Variants in INTS13 observed in about 807,000 individuals in gnomAD.
INTS13 encodes asunder, spermatogenesis regulator homolog (Drosphila).
A neutral mutation model predicts 90.2 loss-of-function variants in INTS13; 35 were observed. That is an observed-to-expected ratio of 0.39 (90% CI 0.30 to 0.51). The LOEUF (loss-of-function observed/expected upper bound fraction) is 0.51, where lower values mean the gene tolerates loss of function less well. Ranked by LOEUF, INTS13 falls within the 20% of genes least tolerant of loss-of-function variation. The pLI, the probability that INTS13 is intolerant of heterozygous loss-of-function variation, is 0.80. For missense variants in INTS13, 601 were observed against 851.2 expected (o/e 0.71, Z 3.66); for synonymous variants, 309 against 277.1 (o/e 1.11, Z -1.14).
chr12:26,928,095 T>C, intron 5 of INTS13, 110 bp downstream of exon 5: 1 of 685,770 alleles, frequency 1.5e-6, no homozygotes, highest in Non-Finnish European at 2.3e-6. Flanking sequence ...GACTAATTTG[T>C]TGAGTCAATA....
chr12:26,911,699 T>C (rs960503675), intron 14 of INTS13, among the ~76,000 whole-genome samples: 2 of 152,242 alleles, frequency 1.3e-5, no homozygotes, highest in Non-Finnish European at 2.9e-5. Context: ...AATAAGTTTA[T>C]TCCCATTTAT....
chr12:26,924,320 G>C (rs1429971156), intron 7 of INTS13, 35 bp downstream of exon 7: 4 of 1,606,430 alleles, frequency 2.5e-6, no homozygotes, highest in Non-Finnish European at 2.6e-6. Context: ...AAGCAAAGCA[G>C]TGCTTTCAAA....
rs920259102 is a variant in INTS13, at chr12:26,911,268, T to A, written c.1855A>T (p.Ile619Phe). Residue 619 changes from isoleucine to phenylalanine, a missense_variant, in exon 15 of 17, where the codon ATT (isoleucine) becomes TTT (phenylalanine). Ile to Phe is a conservative substitution (Grantham distance 21, BLOSUM62 0). Around this residue, in one of 3 missense-constraint regions of INTS13, gnomAD observed 228 missense variants for 272.5 expected, o/e 0.84. Coordinates refer to ENST00000261191, the MANE Select transcript of INTS13 (RefSeq NM_018164.3). ...RGKEELAEAE[I>F]IKDSPDSPEP... ...GGGGAATCAGGCGAATCTTTTATAA[T>A]CTCAGCTTCAGCCAATTCTTCTTTT... The A allele has an allele frequency of 1.2e-6, 2 of 1,613,760 alleles. No individual in the cohort carries two copies. Among genetic ancestry groups the A allele is most frequent in the African/African-American group, 1.3e-5 (1 of 74,926 alleles).
At position 26,936,633 on chromosome 12, in the gene INTS13, T is replaced by G. The variant is rs1220322663; in HGVS notation, c.171A>C (p.Glu57Asp). The G allele has an allele frequency of 1.9e-6, 3 of 1,613,482 alleles. No individual in the cohort carries two copies. Among genetic ancestry groups the G allele is most frequent in the South Asian group, 1.1e-5 (1 of 91,054 alleles). ...TTATTCTACAATATTCCATGGAAGA[T>G]TCTACTGAGCAAGTCCACAATGATT... ...ISKSLWTCSV[E>D]SSMEYCRIMY... is the part of the protein sequence containing the mutation. Residue 57 changes from glutamate to aspartate, a missense_variant, in exon 2 of 17, where the codon GAA becomes GAC. By Grantham distance (45) the Glu-to-Asp change is conservative. Transcript: ENST00000261191.
chr12:26,926,089 A>G (rs945555530), intron 5 of INTS13, among the ~76,000 whole-genome samples: 1 of 152,222 alleles, frequency 6.6e-6, no homozygotes, highest in African/African-American at 2.4e-5. Context: ...GAGTGTCTGA[A>G]GGATAAAGAG....
At chr12:26,931,381 T>C (rs1189915695) in intron 3 of INTS13, among the ~76,000 whole-genome samples, 2 of 151,918 alleles carry the variant, frequency 1.3e-5, no homozygotes, top group African/African-American at 4.8e-5. Context: ...GAGGCAGAGG[T>C]TGCAGTGAGC....
Position 26,915,995 on chromosome 12 carries a change from G to A in INTS13, c.1248+7C>T. 1 of 1,602,554 alleles carries A rather than the reference G, an allele frequency of 6.2e-7. No homozygotes were observed. Among genetic ancestry groups the A allele is most frequent in the East Asian group, 2.2e-5 (1 of 44,784 alleles). On this transcript the variant is annotated splice_region_variant and intron_variant, in intron 11 of 16. Coordinates refer to ENST00000261191, the MANE Select transcript of INTS13 (RefSeq NM_018164.3). ...AAACTTAAAATTTATAGATATTAGA[G>A]TCTTACTGTAATCCGGTAGTCTGTA...
intron 14 of INTS13, among the ~76,000 whole-genome samples, chr12:26,912,734 T>C (rs1042033824): frequency 6.7e-6 from 1 of 148,926 alleles, no homozygotes. Context: ...GCAATCACTT[T>C]TTTTTTTTTT....
chr12:26,912,762 CTA>C (rs746335955), intron 14 of INTS13, among the ~76,000 whole-genome samples: 6 of 149,770 alleles, frequency 4.0e-5, no homozygotes, highest in Admixed American at 6.6e-5. Context: ...AAGTCTTACT[CTA>C]TTGCCCAGGC....
chr12:26,933,380 G>C (rs1375204488), intron 3 of INTS13, among the ~76,000 whole-genome samples: 2 of 152,056 alleles, frequency 1.3e-5, no homozygotes, highest in African/African-American at 4.8e-5. Context: ...CCAACACCAA[G>C]GCACACCACT....
chr12:26,937,343 C>G (rs951026041), intron 1 of INTS13, among the ~76,000 whole-genome samples: 1 of 152,114 alleles, frequency 6.6e-6, no homozygotes, highest in African/African-American at 2.4e-5. Context: ...TAAACATCTC[C>G]TAAGATAACC....
chr12:26,912,307 C>T (rs1951801197), intron 14 of INTS13, among the ~76,000 whole-genome samples: 1 of 152,054 alleles, frequency 6.6e-6, no homozygotes, highest in African/African-American at 2.4e-5. Flanking sequence ...CATGGTGGCA[C>T]ATACCTATAA....
intron 8 of INTS13, among the ~76,000 whole-genome samples, chr12:26,921,731 C>CTGCAACCT (rs1952123554): frequency 2.0e-5 from 3 of 152,242 alleles, no homozygotes; most frequent in Admixed American, 2.0e-4. Flanking sequence ...TCTCAGCTCA[C>CTGCAACCT]TGCAACCTCC....
chr12:26,913,571 G>A lies in INTS13; in HGVS notation c.1691C>T (p.Pro564Leu). The change falls in exon 14 of 17, where the codon CCC becomes CTC. Residue 564 changes from proline to leucine, a missense_variant. By Grantham distance (98) the Pro-to-Leu change is moderately conservative. Coordinates refer to ENST00000261191, the MANE Select transcript of INTS13 (RefSeq NM_018164.3). ...LECLMACRSKPPEEEERKKRG... is the reference protein window; with the variant it reads ...LECLMACRSKLPEEEERKKRG... Reference sequence around the variant, plus strand: ...TTTCTTTCGTTCTTCCTCTTCTGGGGGTTTGCTCCTGCATGCCATCAGACA... The same window carrying A: ...TTTCTTTCGTTCTTCCTCTTCTGGGAGTTTGCTCCTGCATGCCATCAGACA... 1 of 1,613,912 alleles carries A rather than the reference G, an allele frequency of 6.2e-7. No homozygotes were observed. The highest frequency in any genetic ancestry group is 8.5e-7 in the Non-Finnish European group (1 of 1,179,982).
At chr12:26,915,098 C>T (rs779047245) in intron 11 of INTS13, among the ~76,000 whole-genome samples, 15 of 152,028 alleles carry the variant, frequency 9.9e-5, no homozygotes, top group South Asian at 4.1e-4. Flanking sequence ...TGGTGGCAGG[C>T]GCCTATAATC....
At chr12:26,914,375 C>T (rs752146885) in intron 12 of INTS13, 33 bp downstream of exon 12, 27 of 1,569,596 alleles carry the variant, frequency 1.7e-5, no homozygotes, top group Non-Finnish European at 2.1e-5. Context: ...TATAACTAAT[C>T]TATAAGAAAA....
In INTS13 at chr12:26,906,373, C is replaced by G; in HGVS notation, c.2010G>C (p.Gln670His). 6.2e-7 allele frequency: 1 copy of G among 1,612,982 alleles called. No individual in the cohort carries two copies. The highest frequency in any genetic ancestry group is 8.5e-7 in the Non-Finnish European group (1 of 1,179,444). Reference sequence around the variant, plus strand: ...CAGAGTTCAAACGTCCAGCAAATTCCTGATGTTTTCTGGAATTGGCAGTAT... The same window carrying G: ...CAGAGTTCAAACGTCCAGCAAATTCGTGATGTTTTCTGGAATTGGCAGTAT... ...RINTANSRKH[Q>H]EFAGRLNSVN... The change falls in exon 16 of 17, where the codon CAG (glutamine) becomes CAC (histidine). Residue 670 changes from glutamine to histidine, a missense_variant. Around this residue, in one of 3 missense-constraint regions of INTS13, gnomAD observed 228 missense variants for 272.5 expected, o/e 0.84. Coordinates refer to ENST00000261191, the MANE Select transcript of INTS13 (RefSeq NM_018164.3).
At chr12:26,924,646 C>T (rs554463043) in intron 6 of INTS13, among the ~76,000 whole-genome samples, 163 bp from the exon 7 acceptor site, 3 of 152,242 alleles carry the variant, frequency 2.0e-5, no homozygotes, top group Admixed American at 1.3e-4. Context: ...TTTAGCAATA[C>T]ATTTTCATGC....
chr12:26,925,934 A>C, intron 5 of INTS13, 83 bp from the exon 6 acceptor site: 1 of 896,860 alleles, frequency 1.1e-6, no homozygotes, highest in South Asian at 1.5e-5. Flanking sequence ...AAACCTTAAC[A>C]TATTAAAACA....
Sources: gnomAD v4.1 joint callset for allele counts (sites outside exome capture counted in the v4.1 genomes callset) on GRCh38, gnomAD v4.1.1 for gene constraint, gnomAD v4.1.1 regional missense constraint, MANE v1.5 for transcripts, NCBI Gene and HGNC (gene_info 2026-07-23, HGNC 2026-07-21) for gene names.